The following CARMIL2 variants were observed in gnomAD, a reference collection of about 807,000 sequenced individuals.
CARMIL2 encodes the protein capping protein, Arp2/3 and myosin-I linker protein 2.
In CARMIL2, 96 loss-of-function variants were observed where a neutral mutation model predicts 173.3. That is an observed-to-expected ratio of 0.55 (90% CI 0.47 to 0.66). The LOEUF is 0.66. CARMIL2 is among the 30% of genes least tolerant of loss of function. The pLI is 0.00. For synonymous variants in CARMIL2, 830 were observed against 817.1 expected (o/e 1.02, Z -0.27); for missense variants, 1,771 against 1,906.7 (o/e 0.93, Z 1.33).
chr16:67,645,190 CTCG>C lies in CARMIL2; in HGVS notation c.-54_-52del. ...GGGCCCCAGGCTTCCTGTGTGCGCG[CTCG>C]TCCTCTGCTGTTTCCCGCCGGAGCT... is the stretch of plus-strand genomic sequence containing the variant. On this transcript the variant is annotated 5_prime_UTR_variant, in exon 1 of 38. Coordinates refer to ENST00000334583, the MANE Select transcript of CARMIL2 (RefSeq NM_001013838.3). 1 of 1,441,342 alleles carries C rather than the reference CTCG, an allele frequency of 6.9e-7. No individual in the cohort carries two copies. Among genetic ancestry groups the C allele is most frequent in the Non-Finnish European group, 9.5e-7 (1 of 1,055,298 alleles). 89.3% of individuals were successfully genotyped at this position (1,441,342 alleles called of 1,614,324 possible). A position where few individuals can be genotyped will look rare whatever the true frequency, so the allele number is the denominator to read the frequency against.
Position 67,648,905 on chromosome 16 carries a change from G to A in CARMIL2, c.1522G>A (p.Gly508Ser), listed in dbSNP as rs770206641. The A allele has an allele frequency of 2.8e-5, 45 of 1,606,384 alleles. 1 individual carries two copies. In the East Asian group the frequency reaches 9.2e-4, roughly 33 times the overall value. ...CTCCCACATACAGCTGCGCTCGGCC[G>A]GCGCCCAGGTGATACAAGACTTAGT... is the stretch of plus-strand genomic sequence containing the variant. ...DLSACELRSA[G>S]AQVIQDLVCD... The change falls in exon 17 of 38, where the codon GGC becomes AGC. Residue 508 changes from glycine to serine, a missense_variant. Physicochemically the swap from Gly to Ser is moderately conservative, Grantham distance 56. This residue lies in a region of CARMIL2 where 944 missense variants were observed against 975.6 expected (regional missense o/e 0.97). Transcript: ENST00000334583. The surrounding 1 kb of genome is among the most constrained non-coding windows in gnomAD (Gnocchi z 6.1).
chr16:67,654,910 G>T lies in CARMIL2; in HGVS notation c.3705+10G>T. ...AGGCAAGAGGAAGCAAGTGAGTTGAGGGGACCTGAGCATGAAGTGAGAGGG... is the reference window on the plus strand; with the variant it reads ...AGGCAAGAGGAAGCAAGTGAGTTGATGGGACCTGAGCATGAAGTGAGAGGG... On this transcript the variant is annotated intron_variant, in intron 32 of 37. Transcript: ENST00000334583. The T allele has an allele frequency of 6.2e-7, 1 of 1,613,316 alleles. No homozygotes were observed. Among genetic ancestry groups the T allele is most frequent in the South Asian group, 1.1e-5 (1 of 90,934 alleles).
intron 3 of CARMIL2, 25 bp downstream of exon 3, chr16:67,645,802 C>CCCCG: frequency 6.2e-7 from 1 of 1,609,496 alleles, no homozygotes; most frequent in Non-Finnish European, 8.5e-7. Flanking sequence ...CTGGCCACAC[C>CCCCG]CCCGCCCGCC....
At position 67,647,497 on chromosome 16, in the gene CARMIL2, C is replaced by G. The variant is rs1428212471; in HGVS notation, c.777-11C>G. The G allele has an allele frequency of 6.3e-7, 1 of 1,593,780 alleles. No homozygotes were observed. ...AGGGGCAGAATCTCATGCCTGGGGT[C>G]TGGTCCCCAGAGACTTTGTCCGACG... On this transcript the variant is annotated splice_polypyrimidine_tract_variant and intron_variant, in intron 10 of 37. Coordinates refer to ENST00000334583, the MANE Select transcript of CARMIL2 (RefSeq NM_001013838.3).
Position 67,648,882 on chromosome 16 carries a change from C to G in CARMIL2, c.1510-11C>G. 1 of 1,600,496 alleles carries G rather than the reference C, an allele frequency of 6.2e-7. No individual in the cohort carries two copies. The highest frequency in any genetic ancestry group is 8.5e-7 in the Non-Finnish European group (1 of 1,174,244). On this transcript the variant is annotated splice_polypyrimidine_tract_variant and intron_variant, in intron 16 of 37. Coordinates refer to ENST00000334583, the MANE Select transcript of CARMIL2 (RefSeq NM_001013838.3). The surrounding 1 kb of genome is among the most constrained non-coding windows in gnomAD (Gnocchi z 6.1). Reference sequence around the variant, plus strand: ...GGGTCCCACTTCCCACCTCCCACCTCCCACATACAGCTGCGCTCGGCCGGC... The same window carrying G: ...GGGTCCCACTTCCCACCTCCCACCTGCCACATACAGCTGCGCTCGGCCGGC...
rs375747003 is a variant in CARMIL2 at position 67,654,341 on chromosome 16, C to A, written c.3231C>A (p.Pro1077=). 6.3e-7 allele frequency: 1 copy of A among 1,593,934 alleles called. No individual in the cohort carries two copies. Among genetic ancestry groups the A allele is most frequent in the East Asian group, 2.3e-5 (1 of 44,058 alleles). Residue 1077 remains proline (P), a synonymous_variant, in exon 31 of 38, where the codon CCC becomes CCA. Transcript: ENST00000334583. The part of the protein sequence containing the change: ...RLIQQDRLWA[P]EEDPATEGGA... ...CTGGGTGTCCCCACAGCTGGGCCCC[C>A]GAGGAGGACCCGGCCACTGAGGGGG...
chr16:67,652,089 A>T lies in CARMIL2; in HGVS notation c.2676+81A>T. ...CCATCTCCCTTGCAGGGGCTCTGTA[A>T]TGTCTTCTGGGGTCATGTAGCCCAG... On this transcript the variant is annotated intron_variant, in intron 26 of 37. Coordinates refer to ENST00000334583, the MANE Select transcript of CARMIL2 (RefSeq NM_001013838.3). The surrounding 1 kb of genome is among the most constrained non-coding windows in gnomAD (Gnocchi z 4.7). 1 of 1,603,520 alleles carries T rather than the reference A, an allele frequency of 6.2e-7. No homozygotes were observed.
Position 67,656,864 on chromosome 16 carries a change from A to G in CARMIL2, c.4100A>G (p.Gln1367Arg). 6.5e-7 allele frequency: 1 copy of G among 1,549,676 alleles called. No homozygotes were observed. The highest frequency in any genetic ancestry group is 8.7e-7 in the Non-Finnish European group (1 of 1,146,068). Residue 1367 changes from glutamine (Q) to arginine (R), a missense_variant, in exon 36 of 38, where the codon CAG becomes CGG. Around this residue, in one of 3 missense-constraint regions of CARMIL2, gnomAD observed 817 missense variants for 903.5 expected, o/e 0.90. Coordinates refer to ENST00000334583, the MANE Select transcript of CARMIL2 (RefSeq NM_001013838.3). ...GRRAVSVHED[Q>R]LQAPAERPLR... Reference sequence around the variant, plus strand: ...CGAGCAGTGTCTGTGCATGAGGACCAGCTCCAGGCCCCTGCTGGTGAGGGG... The same window carrying G: ...CGAGCAGTGTCTGTGCATGAGGACCGGCTCCAGGCCCCTGCTGGTGAGGGG...
chr16:67,649,089 C>T lies in CARMIL2; in HGVS notation c.1605C>T (p.Asp535=), dbSNP rs376522623. The T allele has an allele frequency of 6.2e-7, 1 of 1,612,898 alleles. No homozygotes were observed. Among genetic ancestry groups the T allele is most frequent in the Middle Eastern group, 1.6e-4 (1 of 6,084 alleles). The change falls in exon 18 of 38, where the codon GAC becomes GAT. Residue 535 remains aspartate (D), a synonymous_variant. Coordinates refer to ENST00000334583, the MANE Select transcript of CARMIL2 (RefSeq NM_001013838.3). This position sits in a 1 kb window ranked among gnomAD's most constrained non-coding sequence, Gnocchi z 6.7. Reference sequence around the variant, plus strand: ...AGTCACCCCCAGGCTTCGGCTCAGACATGGTGACTCTGGTGCTGGCCATCG... The same window carrying T: ...AGTCACCCCCAGGCTTCGGCTCAGATATGGTGACTCTGGTGCTGGCCATCG... ...LDLADNGFGS[D]MVTLVLAIGR... is the part of the protein sequence containing the mutation.
In CARMIL2 at chr16:67,648,859, G is replaced by GT; in HGVS notation, c.1510-33dup. 1 of 1,587,386 alleles carries GT rather than the reference G, an allele frequency of 6.3e-7. No individual in the cohort carries two copies. The highest frequency in any genetic ancestry group is 8.6e-7 in the Non-Finnish European group (1 of 1,167,552). ...CCCTCCCCACTCGCGGCCTAAGTGG[G>GT]TCCCACTTCCCACCTCCCACCTCCC... On this transcript the variant is annotated intron_variant, in intron 16 of 37. Transcript: ENST00000334583. This position sits in a 1 kb window ranked among gnomAD's most constrained non-coding sequence, Gnocchi z 6.1.
Position 67,646,129 on chromosome 16 carries a change from AC to A in CARMIL2, c.249+51del, listed in dbSNP as rs1462600555. On this transcript the variant is annotated intron_variant, in intron 4 of 37. Transcript: ENST00000334583. This position sits in a 1 kb window ranked among gnomAD's most constrained non-coding sequence, Gnocchi z 4.6. ...GGGCCTGCAGCCTGGTCTTCATGCT[AC>A]CACCATCACCTGCGCCCATGTGTGG... The A allele has an allele frequency of 5.6e-6, 9 of 1,613,586 alleles. No individual in the cohort carries two copies. The Admixed American group carries it at 1.5e-4, about 27-fold the overall frequency.
In CARMIL2 at chr16:67,653,701, G is replaced by A. The variant is rs879519638; in HGVS notation, c.3120+447G>A. 6.6e-6 allele frequency among the ~76,000 whole-genome samples: 1 copy of A among 152,170 alleles called. No individual in the cohort carries two copies. The highest frequency in any genetic ancestry group is 1.9e-4 in the East Asian group (1 of 5,166). ...GGCAGCGGGCACTGGCGGAGGGCGG[G>A]GAGGAGCCGGCTTGAGGCCCCCCAG... On this transcript the variant is annotated intron_variant, in intron 29 of 37. Coordinates refer to ENST00000334583, the MANE Select transcript of CARMIL2 (RefSeq NM_001013838.3). The surrounding 1 kb of genome is among the most constrained non-coding windows in gnomAD (Gnocchi z 7.4).
rs2052870606 is a variant in CARMIL2 at position 67,656,826 on chromosome 16, C to CTCG, written c.4063_4065dup (p.Ser1355dup). On this transcript the variant is annotated inframe_insertion, in exon 36 of 38. Transcript: ENST00000334583. Reference sequence around the variant, plus strand: ...ATGGCCAGCTGAGGCCGAGGCCTCTCTCGGCAGGGCGGCGAGCAGTGTCTG... The same window carrying CTCG: ...ATGGCCAGCTGAGGCCGAGGCCTCTCTCGTCGGCAGGGCGGCGAGCAGTGTCTG... 5.2e-6 allele frequency: 8 copies of CTCG among 1,550,930 alleles called. No homozygotes were observed. The highest frequency in any genetic ancestry group is 6.1e-6 in the Non-Finnish European group (7 of 1,146,986).
Position 67,649,270 on chromosome 16 carries a change from G to T in CARMIL2, c.1705G>T (p.Val569Phe). The change falls in exon 19 of 38, where the codon GTC becomes TTC. Residue 569 changes from valine to phenylalanine, a missense_variant. Val to Phe is a conservative substitution (Grantham distance 50). This residue lies in a region of CARMIL2 where 944 missense variants were observed against 975.6 expected (regional missense o/e 0.97). Transcript: ENST00000334583. The surrounding 1 kb of genome is among the most constrained non-coding windows in gnomAD (Gnocchi z 6.7). The stretch of plus-strand genomic sequence containing the variant: ...TGCCCACAGGGAGACCCTGGACGAC[G>T]TCCTGCACCGGATTGTCCAGCTCAT... ...NVRCKETLDDVLHRIVQLMQD... is the reference protein window; with the variant it reads ...NVRCKETLDDFLHRIVQLMQD... 1 of 1,613,174 alleles carries T rather than the reference G, an allele frequency of 6.2e-7. No homozygotes were observed.
Position 67,653,266 on chromosome 16 carries a change from TC to T in CARMIL2, c.3120+17del. 3 of 1,117,212 alleles carry T rather than the reference TC, an allele frequency of 2.7e-6. No homozygotes were observed. The highest frequency in any genetic ancestry group is 3.3e-6 in the Non-Finnish European group (3 of 907,338). 69.2% of individuals were successfully genotyped at this position (1,117,212 alleles called of 1,614,324 possible). On this transcript the variant is annotated intron_variant, in intron 29 of 37. Transcript: ENST00000334583. The surrounding 1 kb of genome is among the most constrained non-coding windows in gnomAD (Gnocchi z 7.4). ...CGGGGGGCCCCCAGGTGAGCACCCT[TC>T]CCCCACTCCGGAGCGCGTGGAATTG...
rs779186433 is a variant in CARMIL2, at chr16:67,649,116, G to A, written c.1632G>A (p.Gly544=). ...SDMVTLVLAI[G]RSRSLRHVAL... ...TGGTGACTCTGGTGCTGGCCATCGGGAGAAGCCGGTCCCTGAGACATGTGG... is the reference window on the plus strand; with the variant it reads ...TGGTGACTCTGGTGCTGGCCATCGGAAGAAGCCGGTCCCTGAGACATGTGG... The change falls in exon 18 of 38, where the codon GGG becomes GGA. Residue 544 remains glycine (G), a synonymous_variant. Coordinates refer to ENST00000334583, the MANE Select transcript of CARMIL2 (RefSeq NM_001013838.3). This position sits in a 1 kb window ranked among gnomAD's most constrained non-coding sequence, Gnocchi z 6.7. 2.5e-6 allele frequency: 4 copies of A among 1,613,324 alleles called. No homozygotes were observed. Among genetic ancestry groups the A allele is most frequent in the Non-Finnish European group, 3.4e-6 (4 of 1,179,794 alleles).
In CARMIL2 at chr16:67,646,775, G is replaced by C. The variant is rs1244902720; in HGVS notation, c.528G>C (p.Glu176Asp). 1 of 1,613,984 alleles carries C rather than the reference G, an allele frequency of 6.2e-7. No individual in the cohort carries two copies. Reference protein sequence around the residue: ...CDYNGFPFREEIQWDVDTIYH... With the variant: ...CDYNGFPFREDIQWDVDTIYH... ...ACAATGGCTTCCCTTTCCGAGAGGA[G>C]ATTCAGTGGGTGAGGGTAGGGCCCT... The change falls in exon 7 of 38, where the codon GAG becomes GAC. Residue 176 changes from glutamate to aspartate, a missense_variant. By Grantham distance (45) the Glu-to-Asp change is conservative (BLOSUM62 2). Transcript: ENST00000334583. The surrounding 1 kb of genome is among the most constrained non-coding windows in gnomAD (Gnocchi z 4.6).
Position 67,654,637 on chromosome 16 carries a change from C to T in CARMIL2, c.3527C>T (p.Ser1176Leu). ...PRYTRDSKAY[S>L]MILLPAEEEA... ...TACACAAGAGATAGCAAGGCCTACT[C>T]GATGATACTGCTGCCTGCCGAGGAG... The change falls in exon 31 of 38, where the codon TCG becomes TTG. Residue 1176 changes from serine (S) to leucine (L), a missense_variant. Around this residue, in one of 3 missense-constraint regions of CARMIL2, gnomAD observed 817 missense variants for 903.5 expected, o/e 0.90. Coordinates refer to ENST00000334583, the MANE Select transcript of CARMIL2 (RefSeq NM_001013838.3). The T allele has an allele frequency of 1.9e-6, 3 of 1,591,470 alleles. No individual in the cohort carries two copies. Among genetic ancestry groups the T allele is most frequent in the Middle Eastern group, 1.7e-4 (1 of 5,962 alleles).
Position 67,656,276 on chromosome 16 carries a change from C to T in CARMIL2, c.3791C>T (p.Ser1264Phe). The T allele has an allele frequency of 6.2e-7, 1 of 1,614,002 alleles. No homozygotes were observed. Among genetic ancestry groups the T allele is most frequent in the Non-Finnish European group, 8.5e-7 (1 of 1,179,890 alleles). Residue 1264 changes from serine (S) to phenylalanine (F), a missense_variant, in exon 34 of 38, where the codon TCC (serine) becomes TTC (phenylalanine). This residue lies in a region of CARMIL2 where 817 missense variants were observed against 903.5 expected (regional missense o/e 0.90). Transcript: ENST00000334583. ...STEAPPISIK[S>F]RTHSVSADPS... ...GAGGCCCCTCCCATCTCGATCAAGT[C>T]CCGCACCCACTCTGTGTCTGCTGGT...
Sources: allele counts gnomAD v4.1 joint callset (sites outside exome capture counted in the v4.1 genomes callset), GRCh38; gene constraint gnomAD v4.1.1; regional missense constraint gnomAD v4.1.1; non-coding constraint Gnocchi (gnomAD v3.1); transcripts MANE v1.5; gene names NCBI Gene and HGNC (gene_info 2026-07-23, HGNC 2026-07-21).